CPE: variants seen among roughly 807,000 people sequenced by gnomAD.
CPE encodes the protein carbocypeptidase E.
A neutral mutation model predicts 53.5 loss-of-function variants in CPE; 17 were observed. That is an observed-to-expected ratio of 0.32 (90% CI 0.22 to 0.48). The LOEUF (loss-of-function observed/expected upper bound fraction) is 0.48. Among genes scored for constraint, CPE ranks in the 20% least tolerant of loss-of-function variants. CPE has a pLI of 0.99. For missense variants in CPE, 524 were observed against 614.7 expected, an observed-to-expected ratio of 0.85 and a Z score of 1.56; for synonymous variants, 226 against 228.8, an observed-to-expected ratio of 0.99 and a Z score of 0.11.
intron 1 of CPE, among the ~76,000 whole-genome samples, chr4:165,461,440 G>A (rs540138381): frequency 1.2e-3 from 177 of 152,150 alleles, no homozygotes; most frequent in Non-Finnish European, 2.2e-3. Flanking sequence ...GAGAATTTTG[G>A]TCTTTATCAT....
intron 3 of CPE, among the ~76,000 whole-genome samples, chr4:165,478,059 G>T (rs1732334715): frequency 1.3e-5 from 2 of 152,144 alleles, no homozygotes; most frequent in South Asian, 4.1e-4. Context: ...AATATACCCA[G>T]CCATTTATTA....
chr4:165,468,802 C>T (rs906635969), intron 3 of CPE, among the ~76,000 whole-genome samples: 4 of 152,206 alleles, frequency 2.6e-5, no homozygotes, highest in African/African-American at 7.2e-5. Context: ...AGTGACCTCA[C>T]ACACAAATTA....
At chr4:165,448,509 G>T (rs6841638) in intron 1 of CPE, among the ~76,000 whole-genome samples, 28,016 of 151,982 alleles carry the variant, frequency 0.18, 2,808 homozygotes, top group African/African-American at 0.28. Flanking sequence ...CATCTTCTGT[G>T]TGGGCCCTAA....
In CPE at chr4:165,497,628, T is replaced by C. The variant is rs932203231; in HGVS notation, c.*18T>C. ...ATTTTTAAAAAGGCTTCTAGTTAGC[T>C]GCTTTAAATCTATCTATATAATGTA... is the stretch of plus-strand genomic sequence containing the variant. On this transcript the variant is annotated 3_prime_UTR_variant, in exon 9 of 9. Transcript: ENST00000402744. 4.1e-6 allele frequency: 6 copies of C among 1,462,046 alleles called. No homozygotes were observed. The African/African-American group carries it at 7.1e-5, about 17-fold the overall frequency. 90.6% of individuals were successfully genotyped at this position (1,462,046 alleles called of 1,614,324 possible). A position where few individuals can be genotyped will look rare whatever the true frequency, so the allele number is the denominator to read the frequency against.
At chr4:165,396,539 C>T (rs1730769142) in intron 1 of CPE, among the ~76,000 whole-genome samples, 1 of 151,674 alleles carries the variant, frequency 6.6e-6, no homozygotes, top group South Asian at 2.1e-4. Flanking sequence ...GGTGTGGTGG[C>T]ATATGCCTGT....
intron 1 of CPE, among the ~76,000 whole-genome samples, chr4:165,413,033 A>G (rs550642878): frequency 1.3e-5 from 2 of 152,314 alleles, no homozygotes; most frequent in South Asian, 4.1e-4. Flanking sequence ...ACACCTCTGC[A>G]GTGTCACACT....
At chr4:165,453,027 A>T (rs760766372) in intron 1 of CPE, among the ~76,000 whole-genome samples, 37 of 151,292 alleles carry the variant, frequency 2.4e-4, no homozygotes, top group Admixed American at 6.6e-4. Context: ...CCCAGGCTGG[A>T]GTGCAGTGGC....
At chr4:165,465,973 CTT>C (rs959318590) in intron 2 of CPE, among the ~76,000 whole-genome samples, 6 of 152,014 alleles carry the variant, frequency 3.9e-5, no homozygotes, top group East Asian at 1.9e-4. Flanking sequence ...ATAAATATCT[CTT>C]TATATTATTA....
chr4:165,385,909 A>G (rs2126652210), intron 1 of CPE, among the ~76,000 whole-genome samples: 1 of 152,310 alleles, frequency 6.6e-6, no homozygotes, highest in Middle Eastern at 3.4e-3. Flanking sequence ...CAGCAGAAGC[A>G]AAAGCTCTTT....
At chr4:165,481,303 G>A (rs957418343) in intron 3 of CPE, among the ~76,000 whole-genome samples, 2 of 152,036 alleles carry the variant, frequency 1.3e-5, no homozygotes, top group African/African-American at 2.4e-5. Context: ...TATCCAATAC[G>A]AATGTTGAAG....
At chr4:165,475,597 A>G (rs769020388) in intron 3 of CPE, among the ~76,000 whole-genome samples, 2 of 152,240 alleles carry the variant, frequency 1.3e-5, no homozygotes, top group African/African-American at 2.4e-5. Flanking sequence ...GTACAAGGCC[A>G]TTTGAGAACA....
intron 4 of CPE, among the ~76,000 whole-genome samples, chr4:165,482,697 G>A (rs879405791): frequency 1.3e-5 from 2 of 152,174 alleles, no homozygotes; most frequent in Non-Finnish European, 1.5e-5. Flanking sequence ...GTAGGTTCAT[G>A]TAGAAGATGG....
intron 5 of CPE, among the ~76,000 whole-genome samples, chr4:165,486,309 C>T (rs1247433039): frequency 6.6e-6 from 1 of 152,166 alleles, no homozygotes; most frequent in Non-Finnish European, 1.5e-5. Flanking sequence ...ACAGCATCCT[C>T]TGCTAATTTG....
intron 7 of CPE, among the ~76,000 whole-genome samples, chr4:165,494,007 T>A (rs1031598719): frequency 3.3e-5 from 5 of 152,236 alleles, no homozygotes; most frequent in African/African-American, 1.2e-4. Context: ...TTTGTGACAA[T>A]TAACCTTTAA....
chr4:165,398,921 T>C (rs563386065), intron 1 of CPE, among the ~76,000 whole-genome samples: 1 of 152,330 alleles, frequency 6.6e-6, no homozygotes, highest in South Asian at 2.1e-4. Context: ...TTGCAGGCAT[T>C]AGTTGGTTTA....
At chr4:165,390,254 G>A (rs1332823295) in intron 1 of CPE, among the ~76,000 whole-genome samples, 2 of 152,130 alleles carry the variant, frequency 1.3e-5, no homozygotes, top group African/African-American at 4.8e-5. Flanking sequence ...ACCCTAGGCT[G>A]GTCGTGTTTC....
At chr4:165,457,444 A>T (rs1731920874) in intron 1 of CPE, among the ~76,000 whole-genome samples, 1 of 152,102 alleles carries the variant, frequency 6.6e-6, no homozygotes, top group South Asian at 2.1e-4. Context: ...TAATATTGGA[A>T]CTCTGACATT....
intron 1 of CPE, among the ~76,000 whole-genome samples, chr4:165,463,538 T>G (rs1442107861): frequency 1.3e-5 from 2 of 152,130 alleles, no homozygotes; most frequent in African/African-American, 4.8e-5. Context: ...CCATGCAGTC[T>G]GGCCCCTCTC....
intron 1 of CPE, among the ~76,000 whole-genome samples, chr4:165,417,463 TAGACTC>T (rs1376479057): frequency 6.6e-6 from 1 of 150,564 alleles, no homozygotes; most frequent in African/African-American, 2.4e-5. Context: ...GATGAAGAAA[TAGACTC>T]AGAGAGTTTA....
Sources: gnomAD v4.1 joint callset for allele counts (sites outside exome capture counted in the v4.1 genomes callset) on GRCh38, gnomAD v4.1.1 for gene constraint, MANE v1.5 for transcripts, NCBI Gene and HGNC (gene_info 2026-07-23, HGNC 2026-07-21) for gene names.